GLIS1: variants seen among roughly 807,000 people sequenced by gnomAD.
GLIS1 encodes zinc finger protein GLIS1.
In GLIS1, 24 loss-of-function variants were observed where a neutral mutation model predicts 63.8. The observed-to-expected ratio is 0.38, with a 90% CI of 0.27 to 0.53. The LOEUF (loss-of-function observed/expected upper bound fraction) is 0.53. Among genes scored for constraint, GLIS1 ranks in the 20% least tolerant of loss-of-function variants. The pLI is 0.85. For synonymous variants in GLIS1, 450 were observed against 482.5 expected (o/e 0.93, Z 0.88); for missense variants, 1,036 against 1,074.1 (o/e 0.96, Z 0.50).
At chr1:53,608,660 G>A (rs1645395457) in intron 2 of GLIS1, among the ~76,000 whole-genome samples, 1 of 152,194 alleles carries the variant, frequency 6.6e-6, no homozygotes, top group Non-Finnish European at 1.5e-5. Flanking sequence ...ATGGGTTAAT[G>A]TACCATATAT....
intron 2 of GLIS1, among the ~76,000 whole-genome samples, chr1:53,697,081 C>T (rs757719568): frequency 2.1e-4 from 32 of 152,338 alleles, no homozygotes; most frequent in Middle Eastern, 3.4e-3. Flanking sequence ...CTGAGGACTA[C>T]TTCTCTCAAG....
chr1:53,517,756 C>A (rs1420474009), intron 7 of GLIS1, among the ~76,000 whole-genome samples: 1 of 152,204 alleles, frequency 6.6e-6, no homozygotes, highest in Non-Finnish European at 1.5e-5. Flanking sequence ...ACCCTCTCCC[C>A]TCTGTTCTGG....
chr1:53,716,158 C>A (rs977752073), intron 2 of GLIS1, among the ~76,000 whole-genome samples: 3 of 152,206 alleles, frequency 2.0e-5, no homozygotes, highest in African/African-American at 7.2e-5. Flanking sequence ...CTCGCCAGAG[C>A]TCTCAACTCC....
intron 8 of GLIS1, among the ~76,000 whole-genome samples, chr1:53,513,315 C>A (rs1569720094): frequency 6.6e-6 from 1 of 152,150 alleles, no homozygotes; most frequent in East Asian, 1.9e-4. Flanking sequence ...CCCTGCAATG[C>A]CGCCCTGCGT....
At chr1:53,542,611 C>T (rs1644654929) in intron 4 of GLIS1, among the ~76,000 whole-genome samples, 1 of 152,218 alleles carries the variant, frequency 6.6e-6, no homozygotes, top group African/African-American at 2.4e-5. Context: ...GCAAAGCTTC[C>T]TGTACTTCCA....
At chr1:53,528,546 G>A (rs1644495095) in intron 5 of GLIS1, among the ~76,000 whole-genome samples, 1 of 152,148 alleles carries the variant, frequency 6.6e-6, no homozygotes, top group South Asian at 2.1e-4. Context: ...TATACAGAGT[G>A]TCCCCCCCAG....
intron 2 of GLIS1, among the ~76,000 whole-genome samples, chr1:53,698,653 G>T (rs568530923): frequency 2.3e-4 from 35 of 152,324 alleles, no homozygotes; most frequent in Non-Finnish European, 3.7e-4. Context: ...CGGGTAGACC[G>T]AGGCTGCTGC....
At chr1:53,685,971 G>A (rs1043858539) in intron 2 of GLIS1, among the ~76,000 whole-genome samples, 5 of 152,084 alleles carry the variant, frequency 3.3e-5, no homozygotes, top group African/African-American at 9.7e-5. Context: ...CATGGGTTCC[G>A]TCAGAAACCT....
rs887315299 is a variant in GLIS1 at position 53,526,902 on chromosome 1, G to T, written c.1483-2015C>A. Among the ~76,000 whole-genome samples, 27 of 152,378 alleles carry T rather than the reference G, an allele frequency of 1.8e-4. No homozygotes were observed. Among genetic ancestry groups the T allele is most frequent in the African/African-American group, 6.5e-4 (27 of 41,598 alleles). On this transcript the variant is annotated intron_variant, in intron 5 of 10. Coordinates refer to ENST00000628545, the MANE Select transcript of GLIS1 (RefSeq NM_001367484.1). This position sits in a 1 kb window ranked among gnomAD's most constrained non-coding sequence, Gnocchi z 4.4. ...CCAGCAGCCAAGCTCCGCCTGGAATGGCCATGTGGGCTGCAGCGCCGGGCG... is the reference window on the plus strand; with the variant it reads ...CCAGCAGCCAAGCTCCGCCTGGAATTGCCATGTGGGCTGCAGCGCCGGGCG...
intron 2 of GLIS1, among the ~76,000 whole-genome samples, chr1:53,604,988 G>A (rs1645356203): frequency 2.0e-5 from 3 of 150,630 alleles, no homozygotes; most frequent in Non-Finnish European, 2.9e-5. Context: ...GTGGGACTGT[G>A]TTCCAATAAA....
intron 4 of GLIS1, among the ~76,000 whole-genome samples, chr1:53,531,322 G>A (rs1432789250): frequency 6.6e-6 from 1 of 152,228 alleles, no homozygotes; most frequent in African/African-American, 2.4e-5. Context: ...CCAGCAGCAG[G>A]TGGCCAAGGA....
chr1:53,639,975 AAC>A lies in GLIS1; in HGVS notation c.260-39699_260-39698del, dbSNP rs1201164889. ...AGAAACAGGGATACTACACTTAACA[AAC>A]ACGAGCATGGTGAGATTTAAATATA... On this transcript the variant is annotated intron_variant, in intron 2 of 10. Transcript: ENST00000628545. This position sits in a 1 kb window ranked among gnomAD's most constrained non-coding sequence, Gnocchi z 4.6. Among the ~76,000 whole-genome samples the A allele has an allele frequency of 6.6e-6, 1 of 152,204 alleles. No homozygotes were observed.
At chr1:53,683,664 G>A (rs779049510) in intron 2 of GLIS1, among the ~76,000 whole-genome samples, 8 of 152,206 alleles carry the variant, frequency 5.3e-5, no homozygotes, top group East Asian at 1.9e-4. Context: ...GACCTGGCAC[G>A]GGCAGGCATG....
At chr1:53,627,642 A>T (rs1290543543) in intron 2 of GLIS1, among the ~76,000 whole-genome samples, 1 of 152,236 alleles carries the variant, frequency 6.6e-6, no homozygotes, top group Non-Finnish European at 1.5e-5. Context: ...GAAGAAGCTA[A>T]TAATGGATTT....
intron 2 of GLIS1, among the ~76,000 whole-genome samples, chr1:53,647,450 C>A (rs568283196): frequency 6.6e-6 from 1 of 152,252 alleles, no homozygotes; most frequent in South Asian, 2.1e-4. Flanking sequence ...GGGGGAAGGA[C>A]AACGTGGTCA....
chr1:53,579,175 G>A (rs907484788), intron 4 of GLIS1, among the ~76,000 whole-genome samples: 2 of 152,178 alleles, frequency 1.3e-5, no homozygotes, highest in African/African-American at 4.8e-5. Context: ...GGAGGAAAGG[G>A]CCCAAAGGCA....
intron 2 of GLIS1, among the ~76,000 whole-genome samples, chr1:53,708,728 C>T (rs560037156): frequency 1.3e-5 from 2 of 152,230 alleles, no homozygotes; most frequent in Admixed American, 6.5e-5. Flanking sequence ...GGCTTCTCCT[C>T]CCCAGGAAGT....
intron 6 of GLIS1, among the ~76,000 whole-genome samples, chr1:53,523,625 C>T (rs1644433963): frequency 6.6e-6 from 1 of 152,154 alleles, no homozygotes; most frequent in Admixed American, 6.5e-5. Flanking sequence ...GCTCAAGGAC[C>T]CTCACTCCCT....
intron 2 of GLIS1, among the ~76,000 whole-genome samples, chr1:53,660,502 A>C (rs1196695536): frequency 6.6e-6 from 1 of 152,158 alleles, no homozygotes; most frequent in Non-Finnish European, 1.5e-5. Flanking sequence ...ACTTGAGCCC[A>C]CATTCTACAC....
Sources: gnomAD v4.1 joint callset for allele counts (sites outside exome capture counted in the v4.1 genomes callset) on GRCh38, gnomAD v4.1.1 for gene constraint, Gnocchi (gnomAD v3.1) non-coding constraint, MANE v1.5 for transcripts, NCBI Gene and HGNC (gene_info 2026-07-23, HGNC 2026-07-21) for gene names.